CALN1: variants seen among roughly 807,000 people sequenced by gnomAD.
CALN1 encodes calneuron 1.
Under a neutral mutation model 30.6 loss-of-function variants are expected in CALN1, and 17 were observed. The ratio of observed to expected loss-of-function variants is 0.56; its 90% CI spans 0.38 to 0.83. CALN1 has a LOEUF of 0.83. Among genes scored for constraint, CALN1 ranks in the 40% least tolerant of loss-of-function variants. CALN1 has a pLI of 0.00. For missense variants in CALN1, 291 were observed against 354.9 expected (o/e 0.82, Z 1.45); for synonymous variants, 156 against 131.4 (o/e 1.19, Z -1.28).
chr7:72,389,555 T>G (rs1415940712), intron 2 of CALN1, among the ~76,000 whole-genome samples: 1 of 152,198 alleles, frequency 6.6e-6, no homozygotes, highest in African/African-American at 2.4e-5. Context: ...TAACGTCTCC[T>G]TAAGAAGTCA....
chr7:72,488,435 T>C, the CALN1 span, among the ~76,000 whole-genome samples: 16 of 152,282 alleles, frequency 1.1e-4, no homozygotes, highest in African/African-American at 3.8e-4. Flanking sequence ...TGGGAATTGA[T>C]AGAGGTTAGG....
At chr7:72,160,281 G>GTT (rs34825420) in intron 3 of CALN1, among the ~76,000 whole-genome samples, 1 of 147,026 alleles carries the variant, frequency 6.8e-6, no homozygotes, top group Non-Finnish European at 1.5e-5. Flanking sequence ...TTTCTTTTTA[G>GTT]TTTTTTTTTT....
intron 5 of CALN1, among the ~76,000 whole-genome samples, chr7:71,838,839 C>T (rs1235514201): frequency 6.6e-6 from 1 of 152,116 alleles, no homozygotes; most frequent in Non-Finnish European, 1.5e-5. Context: ...TCTCCTTCTG[C>T]CATGATTGTA....
intron 3 of CALN1, among the ~76,000 whole-genome samples, chr7:72,254,999 G>C (rs1795816747): frequency 6.6e-6 from 1 of 152,116 alleles, no homozygotes; most frequent in Admixed American, 6.6e-5. Context: ...CTCCATGTTG[G>C]TCAGGCTGGT....
intron 2 of CALN1, among the ~76,000 whole-genome samples, chr7:72,400,258 C>G (rs1159326554): frequency 3.9e-5 from 6 of 152,152 alleles, no homozygotes; most frequent in South Asian, 2.1e-4. Flanking sequence ...TTCTCTTGGG[C>G]ACTACTGATT....
chr7:72,492,636 C>T, the CALN1 span, among the ~76,000 whole-genome samples: 5 of 152,220 alleles, frequency 3.3e-5, no homozygotes, highest in Non-Finnish European at 5.9e-5. Flanking sequence ...CCATGCCAAC[C>T]GCTGGGTCAG....
intron 3 of CALN1, among the ~76,000 whole-genome samples, chr7:72,124,418 C>G (rs1808599906): frequency 6.6e-6 from 1 of 152,070 alleles, no homozygotes; most frequent in Non-Finnish European, 1.5e-5. Context: ...GTGGGAGAAT[C>G]ACTTTGAGGC....
At chr7:72,281,682 A>T (rs1014230278) in intron 2 of CALN1, among the ~76,000 whole-genome samples, 4 of 152,210 alleles carry the variant, frequency 2.6e-5, no homozygotes, top group African/African-American at 9.7e-5. Context: ...CGGTACAAAA[A>T]GCATTCCTTC....
At chr7:72,240,962 C>T (rs147945556) in intron 3 of CALN1, among the ~76,000 whole-genome samples, 16 of 152,310 alleles carry the variant, frequency 1.1e-4, no homozygotes, top group Non-Finnish European at 2.1e-4. Context: ...TCCTTGAGTG[C>T]TCCCAGCCAC....
At chr7:72,165,283 G>T (rs971047082) in intron 3 of CALN1, among the ~76,000 whole-genome samples, 1 of 152,158 alleles carries the variant, frequency 6.6e-6, no homozygotes, top group African/African-American at 2.4e-5. Context: ...TGGCGGCCAG[G>T]CATGGTGACT....
intron 4 of CALN1, among the ~76,000 whole-genome samples, chr7:72,042,584 G>A (rs2129534156): frequency 6.6e-6 from 1 of 152,192 alleles, no homozygotes; most frequent in African/African-American, 2.4e-5. Context: ...CTCTCAAACA[G>A]GGGCAGGAGC....
chr7:72,163,392 TAAA>T (rs55881217), intron 3 of CALN1, among the ~76,000 whole-genome samples: 5,382 of 79,228 alleles, frequency 0.068, 166 homozygotes, highest in Admixed American at 0.16. Context: ...TATTGGAGAT[TAAA>T]AAAAAAAAAA....
intron 3 of CALN1, among the ~76,000 whole-genome samples, chr7:72,163,391 T>TAAAAAAAAAAAAAA (rs1563111506): frequency 1.1e-4 from 14 of 130,414 alleles, no homozygotes; most frequent in African/African-American, 2.3e-4. Flanking sequence ...TTATTGGAGA[T>TAAAAAAAAAAAAAA]TAAAAAAAAA....
At chr7:71,871,882 CATAAT>C (rs1791953358) in intron 5 of CALN1, among the ~76,000 whole-genome samples, 1 of 152,146 alleles carries the variant, frequency 6.6e-6, no homozygotes, top group African/African-American at 2.4e-5. Flanking sequence ...TGCTTTTTAC[CATAAT>C]ATATTTCATC....
intron 2 of CALN1, among the ~76,000 whole-genome samples, chr7:72,333,641 G>C (rs563157766): frequency 1.0e-4 from 15 of 147,224 alleles, no homozygotes; most frequent in Middle Eastern, 7.0e-3. Flanking sequence ...TACACCAGCT[G>C]AAGTCCCAAG....
chr7:72,198,751 T>C (rs1791213576), intron 3 of CALN1, among the ~76,000 whole-genome samples: 1 of 152,200 alleles, frequency 6.6e-6, no homozygotes, highest in Non-Finnish European at 1.5e-5. Flanking sequence ...CTGTGTCACT[T>C]TGCACACTAT....
Position 71,922,606 on chromosome 7 carries a change from AACAC to A in CALN1, c.501+101047_501+101050del, listed in dbSNP as rs1337901988. The stretch of plus-strand genomic sequence containing the variant: ...CAGAATGTATTATATATAAATATAT[AACAC>A]ACAGAATATATTATATATAAATATA... On this transcript the variant is annotated intron_variant, in intron 5 of 6. Transcript: ENST00000395275. 2.9e-3 allele frequency among the ~76,000 whole-genome samples: 411 copies of A among 141,034 alleles called. 2 individuals carry two copies. The highest frequency in any genetic ancestry group is 4.1e-3 in the Non-Finnish European group (271 of 65,956). 92.5% of individuals were successfully genotyped at this position (141,034 alleles called of 152,430 possible). A position where few individuals can be genotyped will look rare whatever the true frequency, so the allele number is the denominator to read the frequency against.
intron 1 of CALN1, among the ~76,000 whole-genome samples, chr7:72,427,429 T>C (rs1419845817): frequency 6.6e-6 from 1 of 152,232 alleles, no homozygotes; most frequent in East Asian, 1.9e-4. Context: ...ATTTTCCTGC[T>C]GCTCCACTCT....
chr7:72,253,656 A>C (rs768058090), intron 3 of CALN1, among the ~76,000 whole-genome samples: 37 of 152,250 alleles, frequency 2.4e-4, no homozygotes, highest in Non-Finnish European at 4.4e-4. Context: ...CCCATGATCC[A>C]ATCATCTCCC....
Sources: allele counts gnomAD v4.1 joint callset (sites outside exome capture counted in the v4.1 genomes callset), GRCh38; gene constraint gnomAD v4.1.1; transcripts MANE v1.5; gene names NCBI Gene and HGNC (gene_info 2026-07-23, HGNC 2026-07-21).